The following CHST9 variants were observed in gnomAD, a reference collection of about 807,000 sequenced individuals.
CHST9 encodes GalNAc-4-sulfotransferase 2.
Under a neutral mutation model 44.4 loss-of-function variants are expected in CHST9, and 41 were observed. That is an observed-to-expected ratio of 0.92 (90% confidence interval 0.72 to 1.20). The LOEUF (loss-of-function observed/expected upper bound fraction) is 1.20. Ranked by LOEUF, CHST9 falls within the 50% of genes most tolerant of loss-of-function variation. The pLI is 0.00. For synonymous variants in CHST9, 171 were observed against 178.4 expected (o/e 0.96, Z 0.33); for missense variants, 504 against 516.5 (o/e 0.98, Z 0.23).
chr18:27,104,740 G>C (rs1189318055), intron 2 of CHST9, among the ~76,000 whole-genome samples: 1 of 152,126 alleles, frequency 6.6e-6, no homozygotes, highest in Non-Finnish European at 1.5e-5. Flanking sequence ...CTAAGATGAA[G>C]CCAGGGTGCA....
intron 2 of CHST9, among the ~76,000 whole-genome samples, chr18:27,103,259 C>A (rs935786290): frequency 2.0e-5 from 3 of 152,202 alleles, no homozygotes; most frequent in Non-Finnish European, 4.4e-5. Context: ...CCTACATTGT[C>A]TCAGGATGAT....
At chr18:27,139,015 G>T (rs1031629130) in intron 2 of CHST9, among the ~76,000 whole-genome samples, 2 of 152,156 alleles carry the variant, frequency 1.3e-5, no homozygotes, top group African/African-American at 4.8e-5. Context: ...TGCATAATTG[G>T]ATAGATTTTA....
chr18:26,949,170 C>G (rs2056208223), intron 4 of CHST9, among the ~76,000 whole-genome samples: 1 of 151,988 alleles, frequency 6.6e-6, no homozygotes. Context: ...TGTGTCCAGG[C>G]AGAAGGGGTG....
At chr18:26,952,548 AC>A in intron 4 of CHST9, 5 of 442,766 alleles carry the variant, frequency 1.1e-5, no homozygotes, top group South Asian at 9.6e-5. Flanking sequence ...ATCTTTTACC[AC>A]CTTGTGAAAG....
At chr18:27,142,058 A>C (rs2058572745) in intron 2 of CHST9, among the ~76,000 whole-genome samples, 1 of 152,228 alleles carries the variant, frequency 6.6e-6, no homozygotes, top group Admixed American at 6.5e-5. Context: ...CCTGTGGACC[A>C]AATCTGGCCC....
intron 2 of CHST9, among the ~76,000 whole-genome samples, chr18:27,115,838 T>C (rs1324753209): frequency 6.6e-6 from 1 of 152,182 alleles, no homozygotes; most frequent in East Asian, 1.9e-4. Context: ...TAGCCATTCC[T>C]AGGAGTGTAA....
intron 5 of CHST9, chr18:26,935,089 C>G (rs2055963554): frequency 6.6e-6 from 1 of 152,218 alleles, no homozygotes; most frequent in Admixed American, 6.5e-5. Context: ...GCATATATCA[C>G]TGGCATTTGT....
At chr18:27,133,591 T>A (rs1209387993) in intron 2 of CHST9, among the ~76,000 whole-genome samples, 1 of 152,192 alleles carries the variant, frequency 6.6e-6, no homozygotes, top group Non-Finnish European at 1.5e-5. Flanking sequence ...AATACAAGTT[T>A]CCTGCCCTCA....
intron 2 of CHST9, among the ~76,000 whole-genome samples, chr18:27,140,762 A>T (rs956995890): frequency 5.3e-5 from 8 of 152,222 alleles, no homozygotes; most frequent in African/African-American, 1.9e-4. Context: ...TTCAGGAGGA[A>T]TTAGCCTATA....
intron 2 of CHST9, among the ~76,000 whole-genome samples, chr18:27,077,777 T>C (rs966534401): frequency 1.3e-5 from 2 of 152,086 alleles, no homozygotes; most frequent in East Asian, 1.9e-4. Context: ...AATATACAAA[T>C]TGTATTAATT....
intron 1 of CHST9, among the ~76,000 whole-genome samples, chr18:27,148,121 T>C (rs970858972): frequency 6.6e-6 from 1 of 152,084 alleles, no homozygotes; most frequent in Non-Finnish European, 1.5e-5. Flanking sequence ...CAGTATTTGG[T>C]TTTCTGTTCC....
intron 1 of CHST9, among the ~76,000 whole-genome samples, chr18:27,162,017 G>A (rs558239533): frequency 1.3e-5 from 2 of 151,854 alleles, no homozygotes; most frequent in South Asian, 4.2e-4. Context: ...CACATGAGAT[G>A]GGTTTCCTGA....
chr18:27,091,741 A>C (rs1180080328), intron 2 of CHST9, among the ~76,000 whole-genome samples: 1 of 152,152 alleles, frequency 6.6e-6, no homozygotes, highest in East Asian at 1.9e-4. Flanking sequence ...TATATGATGG[A>C]TTATGTTTAT....
At chr18:27,171,828 G>T (rs1041896651) in intron 1 of CHST9, among the ~76,000 whole-genome samples, 3 of 152,130 alleles carry the variant, frequency 2.0e-5, no homozygotes, top group African/African-American at 7.2e-5. Flanking sequence ...TACTTCTGAA[G>T]ATAGGTTTTA....
intron 1 of CHST9, among the ~76,000 whole-genome samples, chr18:27,157,937 G>T (rs2058710677): frequency 6.6e-6 from 1 of 151,954 alleles, no homozygotes; most frequent in East Asian, 1.9e-4. Flanking sequence ...TCAATGAAGA[G>T]AATTTCCAGT....
chr18:27,085,324 A>G (rs2058001371), intron 2 of CHST9, among the ~76,000 whole-genome samples: 1 of 152,114 alleles, frequency 6.6e-6, no homozygotes, highest in African/African-American at 2.4e-5. Flanking sequence ...ATTAACAGAG[A>G]AAGCAGACAA....
In CHST9 at chr18:26,907,263, A is replaced by G. The variant is rs2055382894; in HGVS notation, c.*8996T>C. The G allele has an allele frequency of 6.6e-6, 1 of 152,550 alleles. No homozygotes were observed. Among genetic ancestry groups the G allele is most frequent in the African/African-American group, 2.4e-5 (1 of 41,368 alleles). The allele number at this position is 152,550 out of a possible 1,614,324, so 9.4% of individuals were successfully genotyped here. On this transcript the variant is annotated 3_prime_UTR_variant, in exon 6 of 6. Transcript: ENST00000618847. ...GGCTGTGAGGAGTCAGCTTAGGGAG[A>G]AATCGGGGTTGACTTCTAGGTTCCT...
At chr18:27,098,829 A>G (rs1450987002) in intron 2 of CHST9, among the ~76,000 whole-genome samples, 1 of 58,546 alleles carries the variant, frequency 1.7e-5, no homozygotes, top group East Asian at 8.1e-4. Flanking sequence ...ACAGAACTGG[A>G]AAAAAAAAAA....
chr18:27,044,662 C>T (rs1277146446), intron 3 of CHST9, among the ~76,000 whole-genome samples: 2 of 151,864 alleles, frequency 1.3e-5, no homozygotes, highest in Non-Finnish European at 2.9e-5. Flanking sequence ...CTTTCTCACT[C>T]TTGATTTTTA....
Sources: gnomAD v4.1 joint callset for allele counts (sites outside exome capture counted in the v4.1 genomes callset) on GRCh38, gnomAD v4.1.1 for gene constraint, MANE v1.5 for transcripts, NCBI Gene and HGNC (gene_info 2026-07-23, HGNC 2026-07-21) for gene names.